The following PSMD13 variants were observed in gnomAD, a reference collection of about 807,000 sequenced individuals.
PSMD13 encodes the protein 26S proteasome non-ATPase regulatory subunit 13.
Under a neutral mutation model 57.4 loss-of-function variants are expected in PSMD13, and 8 were observed. The observed-to-expected ratio is 0.14, with a 90% CI of 0.08 to 0.25. The LOEUF (loss-of-function observed/expected upper bound fraction) is 0.25, where lower values mean the gene tolerates loss of function less well. Ranked by LOEUF, PSMD13 falls within the 10% of genes least tolerant of loss-of-function variation. The pLI is 1.00. For missense variants in PSMD13, 400 were observed against 461.5 expected, an observed-to-expected ratio of 0.87 and a Z score of 1.22; for synonymous variants, 193 against 168.2, an observed-to-expected ratio of 1.15 and a Z score of -1.14.
chr11:239,016 A>C lies in PSMD13; in HGVS notation c.114A>C (p.Thr38=), dbSNP rs1011506289. 1.9e-6 allele frequency: 3 copies of C among 1,614,154 alleles called. No individual in the cohort carries two copies. Among genetic ancestry groups the C allele is most frequent in the Non-Finnish European group, 1.7e-6 (2 of 1,180,014 alleles). ...LYTKKLWHQL[T]LQVLDFVQDP... is the part of the protein sequence containing the mutation. The stretch of plus-strand genomic sequence containing the variant: ...TTTTCAGGTTGTGGCATCAGCTGAC[A>C]CTTCAGGTGCTTGATTTTGTGCAGG... Residue 38 remains threonine (T), a synonymous_variant, in exon 2 of 13, where the codon ACA becomes ACC. Transcript: ENST00000532097.
Position 252,224 on chromosome 11 carries a change from A to AT in PSMD13, c.1036-278dup. 1 of 518,082 alleles carries AT rather than the reference A, an allele frequency of 1.9e-6. No homozygotes were observed. The highest frequency in any genetic ancestry group is 2.4e-5 in the South Asian group (1 of 41,404). 32.1% of individuals were successfully genotyped at this position (518,082 alleles called of 1,614,324 possible). On this transcript the variant is annotated intron_variant, in intron 12 of 12. Transcript: ENST00000532097. The surrounding 1 kb of genome is among the most constrained non-coding windows in gnomAD (Gnocchi z 4.1). ...GATCAGATACGTTCCTGGTTCTGTG[A>AT]TTTGAGCTCACGTCGCTCTTACATT...
At chr11:239,961 C>G (rs758536820) in intron 2 of PSMD13, among the ~76,000 whole-genome samples, 1 of 152,036 alleles carries the variant, frequency 6.6e-6, no homozygotes, top group African/African-American at 2.4e-5. Context: ...ACCACCTGGG[C>G]TTGTAAGATT....
intron 6 of PSMD13, among the ~76,000 whole-genome samples, chr11:246,847 T>G (rs1859658106): frequency 6.6e-6 from 1 of 152,254 alleles, no homozygotes; most frequent in Non-Finnish European, 1.5e-5. Flanking sequence ...GTCAATTGCC[T>G]GTTAATGTCT....
At chr11:245,680 GTT>G (rs879923535) in intron 6 of PSMD13, among the ~76,000 whole-genome samples, 2,754 of 116,888 alleles carry the variant, frequency 0.024, 93 homozygotes, top group African/African-American at 0.041. Context: ...GTGTGTGTGT[GTT>G]TGCATGTGTG....
intron 2 of PSMD13, 81 bp downstream of exon 2, chr11:239,157 A>G (rs1004262400): frequency 2.4e-6 from 3 of 1,267,540 alleles, no homozygotes; most frequent in Non-Finnish European, 1.2e-6. Flanking sequence ...TATGCTAATA[A>G]TAATAATAAG....
At chr11:247,173 A>G in intron 6 of PSMD13, 104 bp from the exon 7 acceptor site, 2 of 1,154,940 alleles carry the variant, frequency 1.7e-6, no homozygotes, top group Non-Finnish European at 2.4e-6. Flanking sequence ...ACTTGAGGCC[A>G]GGAGTTCAAG....
At position 249,050 on chromosome 11, in the gene PSMD13, G is replaced by C; in HGVS notation, c.767G>C (p.Gly256Ala). 1.2e-6 allele frequency: 2 copies of C among 1,612,502 alleles called. No homozygotes were observed. The highest frequency in any genetic ancestry group is 1.7e-6 in the Non-Finnish European group (2 of 1,180,020). The change falls in exon 9 of 13, where the codon GGC (glycine) becomes GCC (alanine). Residue 256 changes from glycine (G) to alanine (A), a missense_variant. Gly to Ala is a moderately conservative substitution (Grantham distance 60). Coordinates refer to ENST00000532097, the MANE Select transcript of PSMD13 (RefSeq NM_002817.4). Reference protein sequence around the residue: ...ERFQTLKTAWGQQPDLAANEA... With the variant: ...ERFQTLKTAWAQQPDLAANEA... Reference sequence around the variant, plus strand: ...TTCCAGACTCTGAAGACTGCCTGGGGCCAGCAGGTAGGACTCCCACGATGC... The same window carrying C: ...TTCCAGACTCTGAAGACTGCCTGGGCCCAGCAGGTAGGACTCCCACGATGC...
intron 4 of PSMD13, 35 bp from the exon 5 acceptor site, chr11:244,391 G>C: frequency 6.2e-7 from 1 of 1,601,810 alleles, no homozygotes; most frequent in Non-Finnish European, 8.6e-7. Context: ...AAACCAGTCT[G>C]TTGATGGTCC....
chr11:239,358 C>CT (rs1346269397), intron 2 of PSMD13, among the ~76,000 whole-genome samples: 3 of 152,152 alleles, frequency 2.0e-5, no homozygotes, highest in African/African-American at 4.8e-5. Flanking sequence ...GACATTCTGG[C>CT]TTTTTTTGAA....
At chr11:243,934 A>G in intron 2 of PSMD13, 107 bp from the exon 3 acceptor site, 6 of 1,184,732 alleles carry the variant, frequency 5.1e-6, no homozygotes, top group Non-Finnish European at 7.2e-6. Flanking sequence ...GCACACTCCC[A>G]ACTTGATAGC....
intron 1 of PSMD13, among the ~76,000 whole-genome samples, chr11:237,402 C>G (rs981823035): frequency 6.6e-6 from 1 of 152,212 alleles, no homozygotes; most frequent in African/African-American, 2.4e-5. Context: ...TCACTGCTTC[C>G]TTAACGGGGG....
At chr11:242,013 T>G (rs910181770) in intron 2 of PSMD13, among the ~76,000 whole-genome samples, 3 of 152,080 alleles carry the variant, frequency 2.0e-5, no homozygotes, top group African/African-American at 7.2e-5. Context: ...TCTCAGCTTC[T>G]TCCCCTCCCA....
rs981180783 is a variant in PSMD13 at position 241,032 on chromosome 11, A to C, written c.174+1956A>C. 9.9e-5 allele frequency among the ~76,000 whole-genome samples: 15 copies of C among 152,136 alleles called. No individual in the cohort carries two copies. In the East Asian group the frequency reaches 1.7e-3, roughly 18 times the overall value. On this transcript the variant is annotated intron_variant, in intron 2 of 12. Coordinates refer to ENST00000532097, the MANE Select transcript of PSMD13 (RefSeq NM_002817.4). ...TTTTTAGTAGAGACAGGGTTTCATC[A>C]TGTTGACCAGGCTGGTCTCAAACTC...
chr11:237,181 T>A (rs1336469194), intron 1 of PSMD13, 37 bp downstream of exon 1: 1 of 1,578,800 alleles, frequency 6.3e-7, no homozygotes, highest in African/African-American at 1.4e-5. Context: ...GCCCCGGCGA[T>A]AGAGGGAGAC....
rs775372706 is a variant in PSMD13, at chr11:237,106, C to A, written c.57C>A (p.Pro19=). The change falls in exon 1 of 13, where the codon CCC becomes CCA. Residue 19 remains proline, a synonymous_variant. Transcript: ENST00000532097. ...QQSQNSGPGQ[P]AVWHRLEELY... is the part of the protein sequence containing the mutation. Reference sequence around the variant, plus strand: ...GCCAGAACTCCGGGCCCGGGCAGCCCGCTGTGTGGCACCGTCTGGAGGAGC... The same window carrying A: ...GCCAGAACTCCGGGCCCGGGCAGCCAGCTGTGTGGCACCGTCTGGAGGAGC... 3.1e-6 allele frequency: 5 copies of A among 1,610,958 alleles called. No individual in the cohort carries two copies. Among genetic ancestry groups the A allele is most frequent in the Non-Finnish European group, 4.2e-6 (5 of 1,178,710 alleles).
At position 239,086 on chromosome 11, in the gene PSMD13, T is replaced by A. The variant is rs1433025643; in HGVS notation, c.174+10T>A. On this transcript the variant is annotated intron_variant, in intron 2 of 12. Coordinates refer to ENST00000532097, the MANE Select transcript of PSMD13 (RefSeq NM_002817.4). The stretch of plus-strand genomic sequence containing the variant: ...AGATGGTCTCATTAAGGTAAATAAT[T>A]TGCTATACCAGATTAGATTATATGA... The A allele has an allele frequency of 1.2e-6, 2 of 1,607,036 alleles. No homozygotes were observed. Among genetic ancestry groups the A allele is most frequent in the Non-Finnish European group, 1.7e-6 (2 of 1,173,524 alleles).
intron 2 of PSMD13, among the ~76,000 whole-genome samples, chr11:240,913 C>T (rs886937751): frequency 6.6e-6 from 1 of 152,020 alleles, no homozygotes; most frequent in Admixed American, 6.5e-5. Flanking sequence ...CTCACTACAT[C>T]CTCCTCCTCC....
At chr11:238,115 A>G (rs1256721455) in intron 1 of PSMD13, among the ~76,000 whole-genome samples, 1 of 152,226 alleles carries the variant, frequency 6.6e-6, no homozygotes, top group East Asian at 1.9e-4. Flanking sequence ...TTTTGGATGA[A>G]GCGCTATGTC....
Position 244,445 on chromosome 11 carries a change from T to G in PSMD13, c.285T>G (p.Thr95=). 1 of 1,610,998 alleles carries G rather than the reference T, an allele frequency of 6.2e-7. No individual in the cohort carries two copies. Among genetic ancestry groups the G allele is most frequent in the Non-Finnish European group, 8.5e-7 (1 of 1,177,376 alleles). ...TTCCAGATCCTAATGTGGCTCTTAC[T>G]TTTCTGGAAAAGACTCGTGAGAAGG... The part of the protein sequence containing the change: ...RQMTDPNVAL[T]FLEKTREKVK... Residue 95 remains threonine (T), a synonymous_variant, in exon 5 of 13, where the codon ACT becomes ACG. Transcript: ENST00000532097.
Sources: allele counts gnomAD v4.1 joint callset (sites outside exome capture counted in the v4.1 genomes callset), GRCh38; gene constraint gnomAD v4.1.1; non-coding constraint Gnocchi (gnomAD v3.1); transcripts MANE v1.5; gene names NCBI Gene and HGNC (gene_info 2026-07-23, HGNC 2026-07-21).